The following PAX2 variants were observed in gnomAD, a reference collection of about 807,000 sequenced individuals.
PAX2 encodes the protein paired box 2.
PAX2 carries 9 observed loss-of-function variants against 41.7 expected under a neutral mutation model. That is an observed-to-expected ratio of 0.22 (90% confidence interval 0.13 to 0.38). PAX2 has a LOEUF of 0.38. Among genes scored for constraint, PAX2 ranks in the 10% least tolerant of loss-of-function variants. The pLI, the probability that PAX2 is intolerant of heterozygous loss-of-function variation, is 1.00. For missense variants in PAX2, 418 were observed against 531.6 expected (o/e 0.79, Z 2.10); for synonymous variants, 221 against 212.7 (o/e 1.04, Z -0.34).
At chr10:100,788,649 C>A (rs1846973376) in intron 5 of PAX2, among the ~76,000 whole-genome samples, 1 of 152,284 alleles carries the variant, frequency 6.6e-6, no homozygotes, top group South Asian at 2.1e-4. Context: ...GCTGGCAGAA[C>A]CAGAGAGGGA....
chr10:100,763,934 A>C (rs1471258187), intron 3 of PAX2, among the ~76,000 whole-genome samples: 1 of 152,088 alleles, frequency 6.6e-6, no homozygotes, highest in Non-Finnish European at 1.5e-5. Context: ...GTGGGGGATA[A>C]TTGTGTAGGT....
chr10:100,770,565 T>C (rs189543944), intron 3 of PAX2, among the ~76,000 whole-genome samples: 15 of 152,362 alleles, frequency 9.8e-5, no homozygotes, highest in Admixed American at 6.5e-5. Context: ...ACCATCACTA[T>C]TGCCCCCTTG....
At chr10:100,778,943 G>A (rs1160211646) in intron 3 of PAX2, among the ~76,000 whole-genome samples, 1 of 152,142 alleles carries the variant, frequency 6.6e-6, no homozygotes, top group Non-Finnish European at 1.5e-5. Context: ...TGGAGTCCTG[G>A]GGACAAAAGA....
chr10:100,815,133 G>A (rs748645713), intron 7 of PAX2, among the ~76,000 whole-genome samples: 16 of 152,304 alleles, frequency 1.1e-4, no homozygotes, highest in Admixed American at 7.8e-4. Flanking sequence ...AGGACCTCCA[G>A]GAACTGCCTC....
intron 5 of PAX2, among the ~76,000 whole-genome samples, chr10:100,797,670 A>C (rs1262926184): frequency 6.6e-6 from 1 of 152,236 alleles, no homozygotes; most frequent in Non-Finnish European, 1.5e-5. Context: ...CTATTTCTAC[A>C]ATAGAGGTTT....
At chr10:100,788,306 C>T (rs913720613) in intron 5 of PAX2, among the ~76,000 whole-genome samples, 11 of 152,212 alleles carry the variant, frequency 7.2e-5, no homozygotes, top group Admixed American at 4.6e-4. Flanking sequence ...GGATTACACT[C>T]GGTGTATCTC....
At chr10:100,747,475 G>T in intron 1 of PAX2, 1 of 269,606 alleles carries the variant, frequency 3.7e-6, no homozygotes, top group African/African-American at 2.3e-5. Context: ...GATTTTTTTT[G>T]CAGGCTTTTT....
intron 5 of PAX2, among the ~76,000 whole-genome samples, chr10:100,798,996 AC>A (rs1473123864): frequency 5.9e-5 from 9 of 152,280 alleles, no homozygotes; most frequent in African/African-American, 1.9e-4. Flanking sequence ...CATTTGCCTC[AC>A]TACCGAGGAG....
intron 7 of PAX2, 117 bp downstream of exon 7, chr10:100,809,353 C>A: frequency 2.8e-6 from 3 of 1,070,268 alleles, no homozygotes; most frequent in Non-Finnish European, 4.2e-6. Context: ...ACAGAGAGAA[C>A]GAGGCTTCTA....
chr10:100,782,060 A>G (rs1846653567), intron 5 of PAX2, among the ~76,000 whole-genome samples: 2 of 152,148 alleles, frequency 1.3e-5, no homozygotes, highest in Admixed American at 1.3e-4. Context: ...AAATGTCGTG[A>G]CATTGGGGGT....
In PAX2 at chr10:100,818,238, G is replaced by A. The variant is rs75520585; in HGVS notation, c.920-6410G>A. Among the ~76,000 whole-genome samples the A allele has an allele frequency of 4.8e-3, 732 of 152,268 alleles. 5 individuals carry two copies. The highest frequency in any genetic ancestry group is 0.017 in the African/African-American group (696 of 41,534). On this transcript the variant is annotated intron_variant, in intron 7 of 9. Transcript: ENST00000355243. ...GAGGAAAAGCATCTCTGAACTCCTC[G>A]ATAGAACTTTTGCTATATAAATCTA... is the stretch of plus-strand genomic sequence containing the variant.
chr10:100,736,260 A>G (rs10786605), intron 1 of PAX2, among the ~76,000 whole-genome samples: 35,929 of 152,152 alleles, frequency 0.24, 4,563 homozygotes, highest in South Asian at 0.3. Context: ...CAAGGGCAGC[A>G]TGGGGACAGG....
intron 7 of PAX2, 59 bp downstream of exon 7, chr10:100,809,295 T>G: frequency 5.8e-6 from 9 of 1,543,772 alleles, no homozygotes; most frequent in Non-Finnish European, 8.0e-6. Flanking sequence ...CCTCAGCCCA[T>G]GCCATCTGAG....
Position 100,745,992 on chromosome 10 carries a change from C to T in PAX2, c.-269C>T. 1 of 1,348,636 alleles carries T rather than the reference C, an allele frequency of 7.4e-7. No homozygotes were observed. Among genetic ancestry groups the T allele is most frequent in the Non-Finnish European group, 9.5e-7 (1 of 1,055,508 alleles). The allele number at this position is 1,348,636 out of a possible 1,614,324, so 83.5% of individuals were successfully genotyped here. On this transcript the variant is annotated 5_prime_UTR_variant, in exon 1 of 10. Coordinates refer to ENST00000355243, the MANE Select transcript of PAX2 (RefSeq NM_000278.5). ...CCCAGTGCACCCCGGCCCGGCCCAC[C>T]GCCCCGGGGCCATTCTGCTGACCGC... is the stretch of plus-strand genomic sequence containing the variant.
At chr10:100,763,294 A>G (rs892913957) in intron 3 of PAX2, among the ~76,000 whole-genome samples, 2 of 152,256 alleles carry the variant, frequency 1.3e-5, no homozygotes. Flanking sequence ...GGTTGTCGAT[A>G]TGATGCCAAA....
chr10:100,750,907 G>T lies in PAX2; in HGVS notation c.410+16G>T. On this transcript the variant is annotated intron_variant, in intron 3 of 9. Coordinates refer to ENST00000355243, the MANE Select transcript of PAX2 (RefSeq NM_000278.5). The surrounding 1 kb of genome is among the most constrained non-coding windows in gnomAD (Gnocchi z 4.1). Reference sequence around the variant, plus strand: ...CCATCAACAGGTGAGCAAGCCACCCGGGTTTTCAGGGCTGGACTCCAGCTC... The same window carrying T: ...CCATCAACAGGTGAGCAAGCCACCCTGGTTTTCAGGGCTGGACTCCAGCTC... The T allele has an allele frequency of 1.9e-6, 3 of 1,604,896 alleles. No individual in the cohort carries two copies. Among genetic ancestry groups the T allele is most frequent in the Non-Finnish European group, 2.6e-6 (3 of 1,172,110 alleles).
chr10:100,803,669 G>C (rs985727227), intron 5 of PAX2, among the ~76,000 whole-genome samples: 5 of 151,884 alleles, frequency 3.3e-5, no homozygotes, highest in South Asian at 2.1e-4. Context: ...AGCCTCTCTG[G>C]GGGGTGGGGG....
intron 1 of PAX2, among the ~76,000 whole-genome samples, chr10:100,738,579 T>C (rs1056653212): frequency 2.6e-5 from 4 of 152,182 alleles, no homozygotes; most frequent in African/African-American, 9.7e-5. Flanking sequence ...TTCTCCTTAA[T>C]TGATTCAGAA....
At chr10:100,741,098 G>A (rs550643058), upstream of PAX2, among the ~76,000 whole-genome samples, 2 of 152,286 alleles carry the variant, frequency 1.3e-5, no homozygotes, top group South Asian at 4.1e-4. Context: ...CTCTTGTGAG[G>A]GGAAGCTAGA....
Sources: allele counts gnomAD v4.1 joint callset (sites outside exome capture counted in the v4.1 genomes callset), GRCh38; gene constraint gnomAD v4.1.1; non-coding constraint Gnocchi (gnomAD v3.1); transcripts MANE v1.5; gene names NCBI Gene and HGNC (gene_info 2026-07-23, HGNC 2026-07-21).